Variants in TIE1 observed in about 807,000 individuals in gnomAD.
TIE1 encodes tyrosine kinase with immunoglobulin like and EGF like domains 1.
Under a neutral mutation model 130.5 loss-of-function variants are expected in TIE1, and 89 were observed. The observed-to-expected ratio is 0.68, with a 90% CI of 0.57 to 0.81. TIE1 has a LOEUF of 0.81. Ranked by LOEUF, TIE1 falls within the 40% of genes least tolerant of loss-of-function variation. The pLI is 0.00. For missense variants in TIE1, 1,392 were observed against 1,559.8 expected (o/e 0.89, Z 1.81); for synonymous variants, 568 against 629.4 (o/e 0.90, Z 1.46).
chr1:43,321,170 C>G (rs916144696), intron 19 of TIE1, 99 bp from the exon 20 acceptor site: 2 of 1,254,392 alleles, frequency 1.6e-6, no homozygotes, highest in Non-Finnish European at 2.3e-6. Flanking sequence ...TAGACACATA[C>G]AGCGGGGCTG....
Position 43,307,769 on chromosome 1 carries a change from C to T in TIE1, c.914-27C>T, listed in dbSNP as rs774064720. 2.5e-6 allele frequency: 4 copies of T among 1,613,874 alleles called. No individual in the cohort carries two copies. Among genetic ancestry groups the T allele is most frequent in the Non-Finnish European group, 3.4e-6 (4 of 1,179,828 alleles). On this transcript the variant is annotated intron_variant, in intron 6 of 22. Transcript: ENST00000372476. The surrounding 1 kb of genome is among the most constrained non-coding windows in gnomAD (Gnocchi z 5.4). ...CCTCATTGCCCCCTGTCCCATGCCCCTCTAATCATACCTCCTCTATTCCCA... is the reference window on the plus strand; with the variant it reads ...CCTCATTGCCCCCTGTCCCATGCCCTTCTAATCATACCTCCTCTATTCCCA...
rs146362009 is a variant in TIE1, at chr1:43,313,562, G to T, written c.2218+137G>T. 1,958 of 1,205,830 alleles carry T rather than the reference G, an allele frequency of 1.6e-3. 29 individuals are homozygous for T. The African/African-American group carries it at 0.026, about 16-fold the overall frequency. The allele number at this position is 1,205,830 out of a possible 1,614,324, so 74.7% of individuals were successfully genotyped here. A position where few individuals can be genotyped will look rare whatever the true frequency, so the allele number is the denominator to read the frequency against. On this transcript the variant is annotated intron_variant, in intron 13 of 22. Transcript: ENST00000372476. The surrounding 1 kb of genome is among the most constrained non-coding windows in gnomAD (Gnocchi z 6.2). ...GACAAAGAGTCAGCCCCAGTCCTGG[G>T]GACTCAGCCTTCCATTCTCATGATC...
Position 43,317,675 on chromosome 1 carries a change from G to C in TIE1, c.2731+1G>C, listed in dbSNP as rs1228267529. On this transcript the variant is annotated splice_donor_variant, in intron 16 of 22. Coordinates refer to ENST00000372476, the MANE Select transcript of TIE1 (RefSeq NM_005424.5). LOFTEE classifies it high-confidence loss of function. This position sits in a 1 kb window ranked among gnomAD's most constrained non-coding sequence, Gnocchi z 5.1. Reference sequence around the variant, plus strand: ...CTCCTGGGGGCCTGTAAGAACCGAGGTGAGCCCCCAGCTCATCACCTACCC... The same window carrying C: ...CTCCTGGGGGCCTGTAAGAACCGAGCTGAGCCCCCAGCTCATCACCTACCC... The C allele has an allele frequency of 6.4e-6, 10 of 1,572,738 alleles. No individual in the cohort carries two copies. Among genetic ancestry groups the C allele is most frequent in the Non-Finnish European group, 7.8e-6 (9 of 1,157,830 alleles).
At position 43,302,855 on chromosome 1, in the gene TIE1, T is replaced by TG. The variant is rs532754384; in HGVS notation, c.58+1733dup. On this transcript the variant is annotated intron_variant, in intron 1 of 22. Coordinates refer to ENST00000372476, the MANE Select transcript of TIE1 (RefSeq NM_005424.5). ...GGATGAGGGCTGAACAAAGGCAGGC[T>TG]GGGGGGGTGGGGATGAAGTCAAGAA... Among the ~76,000 whole-genome samples the TG allele has an allele frequency of 7.3e-5, 11 of 150,368 alleles. No homozygotes were observed. In the South Asian group the frequency reaches 2.3e-3, roughly 32 times the overall value.
intron 14 of TIE1, chr1:43,314,357 G>A (rs964450597): frequency 2.6e-6 from 3 of 1,149,540 alleles, no homozygotes; most frequent in Non-Finnish European, 3.2e-6. Context: ...GGCACTTGGG[G>A]TTCATGCTGG....
rs200415018 is a variant in TIE1 at position 43,309,442 on chromosome 1, C to G, written c.1243C>G (p.Arg415Gly). The G allele has an allele frequency of 6.2e-7, 1 of 1,611,916 alleles. No homozygotes were observed. Among genetic ancestry groups the G allele is most frequent in the Non-Finnish European group, 8.5e-7 (1 of 1,179,074 alleles). The change falls in exon 9 of 23, where the codon CGC becomes GGC. Residue 415 changes from arginine to glycine, a missense_variant. By Grantham distance (125) the Arg-to-Gly change is moderately radical (BLOSUM62 -2). Transcript: ENST00000372476. This position sits in a 1 kb window ranked among gnomAD's most constrained non-coding sequence, Gnocchi z 6.3. ...EKTTAEFEVP[R>G]LVLADSGFWE... ...GACCACAGCTGAGTTCGAGGTGCCC[C>G]GCTTGGTTCTTGCGGACAGTGGGTT...
At chr1:43,303,332 G>A (rs764251014) in intron 1 of TIE1, among the ~76,000 whole-genome samples, 2 of 152,084 alleles carry the variant, frequency 1.3e-5, no homozygotes, top group African/African-American at 2.4e-5. Context: ...GGGAGTGGGC[G>A]AGCTTGCTCA....
chr1:43,311,224 G>A (rs1009732096), intron 9 of TIE1, among the ~76,000 whole-genome samples: 3 of 152,146 alleles, frequency 2.0e-5, no homozygotes, highest in African/African-American at 4.8e-5. Flanking sequence ...ACAGAAAGGT[G>A]GCTGTGAGAA....
intron 1 of TIE1, among the ~76,000 whole-genome samples, chr1:43,304,173 G>A (rs778730889): frequency 1.0e-3 from 158 of 152,170 alleles, no homozygotes; most frequent in Non-Finnish European, 1.8e-3. Flanking sequence ...GTGCTCAAAG[G>A]ATCCTCCCAC....
chr1:43,317,965 C>A lies in TIE1; in HGVS notation c.2815C>A (p.Pro939Thr). 1 of 1,613,358 alleles carries A rather than the reference C, an allele frequency of 6.2e-7. No individual in the cohort carries two copies. Among genetic ancestry groups the A allele is most frequent in the East Asian group, 2.2e-5 (1 of 44,884 alleles). ...LRKSRVLETD[P>T]AFAREHGTAS... ...GAAAAGCCGGGTCCTAGAGACTGACCCAGCTTTTGCTCGAGAGCATGGGAC... is the reference window on the plus strand; with the variant it reads ...GAAAAGCCGGGTCCTAGAGACTGACACAGCTTTTGCTCGAGAGCATGGGAC... Residue 939 changes from proline to threonine, a missense_variant, in exon 17 of 23, where the codon CCA (proline) becomes ACA (threonine). This residue lies in a region of TIE1 where 286 missense variants were observed against 354.4 expected (regional missense o/e 0.81). Coordinates refer to ENST00000372476, the MANE Select transcript of TIE1 (RefSeq NM_005424.5). The surrounding 1 kb of genome is among the most constrained non-coding windows in gnomAD (Gnocchi z 5.1).
rs1646745085 is a variant in TIE1 at position 43,307,729 on chromosome 1, CGCCCTCATCTGT to C, written c.914-58_914-47del. 4.4e-6 allele frequency: 7 copies of C among 1,605,328 alleles called. No individual in the cohort carries two copies. In the South Asian group the frequency reaches 4.4e-5, roughly 10 times the overall value. On this transcript the variant is annotated intron_variant, in intron 6 of 22. Coordinates refer to ENST00000372476, the MANE Select transcript of TIE1 (RefSeq NM_005424.5). This position sits in a 1 kb window ranked among gnomAD's most constrained non-coding sequence, Gnocchi z 5.4. ...TGTTGTATAACCTGTGCCCCATCTG[CGCCCTCATCTGT>C]GCCCTCATTGCCCCCTGTCCCATGC...
rs774712416 is a variant in TIE1, at chr1:43,305,182, G to A, written c.373+17G>A. On this transcript the variant is annotated intron_variant, in intron 2 of 22. Transcript: ENST00000372476. ...GCCCTGGAGGTGAGTTAGGCAGGCG[G>A]GGGGATGGCGCGGGGAAAACCAGGC... The A allele has an allele frequency of 1.2e-6, 2 of 1,614,004 alleles. No homozygotes were observed. Among genetic ancestry groups the A allele is most frequent in the African/African-American group, 1.3e-5 (1 of 75,042 alleles).
Position 43,309,243 on chromosome 1 carries a change from G to A in TIE1, c.1188+112G>A. ...TTCTGCAGGGCCCACCCATTGGCCT[G>A]ACCATTGCTCACATGAGGTCAGGCT... is the stretch of plus-strand genomic sequence containing the variant. On this transcript the variant is annotated intron_variant, in intron 8 of 22. Transcript: ENST00000372476. This position sits in a 1 kb window ranked among gnomAD's most constrained non-coding sequence, Gnocchi z 6.3. The A allele has an allele frequency of 6.6e-7, 1 of 1,509,282 alleles. No homozygotes were observed. The allele number at this position is 1,509,282 out of a possible 1,614,324, so 93.5% of individuals were successfully genotyped here.
Position 43,316,977 on chromosome 1 carries a change from C to G in TIE1, c.2410-222C>G, listed in dbSNP as rs1162963707. Among the ~76,000 whole-genome samples, 3 of 152,162 alleles carry G rather than the reference C, an allele frequency of 2.0e-5. No homozygotes were observed. The highest frequency in any genetic ancestry group is 2.1e-4 in the South Asian group (1 of 4,824). On this transcript the variant is annotated intron_variant, in intron 14 of 22. Coordinates refer to ENST00000372476, the MANE Select transcript of TIE1 (RefSeq NM_005424.5). The surrounding 1 kb of genome is among the most constrained non-coding windows in gnomAD (Gnocchi z 4.4). ...CCTCTGCATTTCTCTCCTTGGACAT[C>G]TGTCCACCCAGCAGCCTACCTGTGG...
intron 14 of TIE1, 132 bp downstream of exon 14, chr1:43,314,100 A>G (rs747165852): frequency 9.8e-7 from 1 of 1,024,576 alleles, no homozygotes; most frequent in Non-Finnish European, 1.5e-6. Context: ...ATAAGATTAC[A>G]CTCAACAATG....
Position 43,318,918 on chromosome 1 carries a change from A to C in TIE1, c.2923-317A>C, listed in dbSNP as rs2153912877. 6.6e-6 allele frequency among the ~76,000 whole-genome samples: 1 copy of C among 152,186 alleles called. No individual in the cohort carries two copies. The highest frequency in any genetic ancestry group is 2.4e-5 in the African/African-American group (1 of 41,510). ...AGGTCTCTGGGGAAGCTGGAGGGCTAAGGGAGAGAAACTGGAACCCAGGGG... is the reference window on the plus strand; with the variant it reads ...AGGTCTCTGGGGAAGCTGGAGGGCTCAGGGAGAGAAACTGGAACCCAGGGG... On this transcript the variant is annotated intron_variant, in intron 17 of 22. Transcript: ENST00000372476. This position sits in a 1 kb window ranked among gnomAD's most constrained non-coding sequence, Gnocchi z 4.4.
Position 43,309,399 on chromosome 1 carries a change from CA to C in TIE1, c.1201del (p.Ile401LeufsTer43), listed in dbSNP as rs761256997. 1.3e-6 allele frequency: 2 copies of C among 1,597,826 alleles called. No homozygotes were observed. The highest frequency in any genetic ancestry group is 1.7e-6 in the Non-Finnish European group (2 of 1,173,174). ...DGTVLLSTKA[I>X]VEPEKTTAEF... Reference sequence around the variant, plus strand: ...CCCATCTCTTTTAGTCCACCAAGGCCATTGTGGAGCCAGAGAAGACCACAGC... The same window carrying C: ...CCCATCTCTTTTAGTCCACCAAGGCCTTGTGGAGCCAGAGAAGACCACAGC... On this transcript the variant is annotated frameshift_variant, in exon 9 of 23. Transcript: ENST00000372476. LOFTEE classifies it high-confidence loss of function. This position sits in a 1 kb window ranked among gnomAD's most constrained non-coding sequence, Gnocchi z 6.3.
intron 22 of TIE1, 117 bp downstream of exon 22, chr1:43,321,832 G>C: frequency 2.1e-6 from 2 of 960,624 alleles, no homozygotes; most frequent in Non-Finnish European, 3.2e-6. Flanking sequence ...CCCTCAGTGG[G>C]GGCTGTCACC....
At chr1:43,311,098 C>T (rs149096779) in intron 9 of TIE1, among the ~76,000 whole-genome samples, 14 of 152,226 alleles carry the variant, frequency 9.2e-5, no homozygotes, top group African/African-American at 2.9e-4. Context: ...AGGCGGCCTG[C>T]GCAGACAGAC....
Sources: allele counts gnomAD v4.1 joint callset (sites outside exome capture counted in the v4.1 genomes callset), GRCh38; gene constraint gnomAD v4.1.1; regional missense constraint gnomAD v4.1.1; non-coding constraint Gnocchi (gnomAD v3.1); transcripts MANE v1.5; gene names NCBI Gene and HGNC (gene_info 2026-07-23, HGNC 2026-07-21).